Variants in WDFY4 observed in about 807,000 individuals in gnomAD.
WDFY4 encodes the protein WD repeat- and FYVE domain-containing protein 4.
In WDFY4, 169 loss-of-function variants were observed where a neutral mutation model predicts 351.9. That is an observed-to-expected ratio of 0.48 (90% CI 0.42 to 0.55). The LOEUF (loss-of-function observed/expected upper bound fraction) is 0.55. WDFY4 is among the 20% of genes least tolerant of loss of function. The probability of loss-of-function intolerance (pLI) is 0.00; values close to 1 mark genes in which losing one functional copy is unlikely to be tolerated. For missense variants in WDFY4, 3,803 were observed against 3,935.6 expected (o/e 0.97, Z 0.90); for synonymous variants, 1,622 against 1,574.6 (o/e 1.03, Z -0.71).
At chr10:48,971,917 C>A (rs1450618834) in intron 57 of WDFY4, among the ~76,000 whole-genome samples, 1 of 152,192 alleles carries the variant, frequency 6.6e-6, no homozygotes, top group East Asian at 1.9e-4. Flanking sequence ...ATCCCCATTG[C>A]CCATTTACAG....
At position 48,821,175 on chromosome 10, in the gene WDFY4, A is replaced by C; in HGVS notation, c.5823A>C (p.Arg1941Ser). 6.4e-7 allele frequency: 1 copy of C among 1,550,602 alleles called. No individual in the cohort carries two copies. Among genetic ancestry groups the C allele is most frequent in the Non-Finnish European group, 8.7e-7 (1 of 1,146,006 alleles). The change falls in exon 34 of 62, where the codon AGA becomes AGC. Residue 1941 changes from arginine (R) to serine (S), a missense_variant and splice_region_variant. Arg to Ser is a moderately radical substitution (Grantham distance 110). Around this residue, in one of 3 missense-constraint regions of WDFY4, gnomAD observed 3,054 missense variants for 3,148.6 expected, o/e 0.97. Coordinates refer to ENST00000325239, the MANE Select transcript of WDFY4 (RefSeq NM_001394531.1). Reference sequence around the variant, plus strand: ...GTGGAGGTGATGCAGCGATGTTCAGAGGTGAGTGGGGCAACTCGGTCCCCT... The same window carrying C: ...GTGGAGGTGATGCAGCGATGTTCAGCGGTGAGTGGGGCAACTCGGTCCCCT... ...MTSGGDAAMF[R>S]DGKEPQPSAE...
chr10:48,890,442 G>A (rs1173904394), intron 43 of WDFY4, 137 bp from the exon 44 acceptor site: 44 of 1,038,330 alleles, frequency 4.2e-5, no homozygotes, highest in South Asian at 7.8e-5. Flanking sequence ...CTGGGACAGC[G>A]GGACTGCCAT....
At chr10:48,918,324 GT>G (rs1301046178) in intron 47 of WDFY4, among the ~76,000 whole-genome samples, 1 of 152,136 alleles carries the variant, frequency 6.6e-6, no homozygotes, top group Non-Finnish European at 1.5e-5. Context: ...CCAATTGTAT[GT>G]TGTCTATAAA....
At chr10:48,802,485 G>A (rs142297358) in intron 24 of WDFY4, among the ~76,000 whole-genome samples, 10 of 152,310 alleles carry the variant, frequency 6.6e-5, no homozygotes, top group South Asian at 4.1e-4. Flanking sequence ...ATGAGTGCAC[G>A]CTTATAATCC....
At position 48,890,603 on chromosome 10, in the gene WDFY4, A is replaced by G; in HGVS notation, c.7192A>G (p.Ile2398Val). The G allele has an allele frequency of 6.4e-7, 1 of 1,551,592 alleles. No homozygotes were observed. The highest frequency in any genetic ancestry group is 8.7e-7 in the Non-Finnish European group (1 of 1,146,964). ...EKVTQKFSLV[I>V]VQGHLVSEGV... is the part of the protein sequence containing the mutation. ...GGTGACGCAGAAGTTCTCCCTGGTGATTGTGCAGGGCCACCTGGTGTCAGA... is the reference window on the plus strand; with the variant it reads ...GGTGACGCAGAAGTTCTCCCTGGTGGTTGTGCAGGGCCACCTGGTGTCAGA... The change falls in exon 44 of 62, where the codon ATT becomes GTT. Residue 2398 changes from isoleucine to valine, a missense_variant. This residue lies in a region of WDFY4 where 3,054 missense variants were observed against 3,148.6 expected (regional missense o/e 0.97). Coordinates refer to ENST00000325239, the MANE Select transcript of WDFY4 (RefSeq NM_001394531.1).
chr10:48,971,104 G>A (rs890580715), intron 57 of WDFY4, among the ~76,000 whole-genome samples: 1 of 152,112 alleles, frequency 6.6e-6, no homozygotes, highest in Admixed American at 6.5e-5. Context: ...GCATACTCCG[G>A]AACTTGCTCT....
intron 44 of WDFY4, among the ~76,000 whole-genome samples, chr10:48,893,267 G>T (rs1836906099): frequency 1.3e-5 from 2 of 152,200 alleles, no homozygotes; most frequent in Non-Finnish European, 2.9e-5. Flanking sequence ...AGTCAGGTTG[G>T]ATTTGGACCC....
Position 48,901,782 on chromosome 10 carries a change from C to T in WDFY4, c.7524-19C>T, listed in dbSNP as rs1264810149. On this transcript the variant is annotated intron_variant, in intron 46 of 61. Transcript: ENST00000325239. ...GTCTTGACTCTGCTGATGGAATTAT[C>T]CCTTCCCTTTTCATGTAGCTTCTGC... is the stretch of plus-strand genomic sequence containing the variant. The T allele has an allele frequency of 6.4e-7, 1 of 1,551,212 alleles. No homozygotes were observed. Among genetic ancestry groups the T allele is most frequent in the Non-Finnish European group, 8.7e-7 (1 of 1,146,694 alleles).
At chr10:48,929,273 G>A (rs988806019) in intron 47 of WDFY4, among the ~76,000 whole-genome samples, 1 of 152,006 alleles carries the variant, frequency 6.6e-6, no homozygotes, top group South Asian at 2.1e-4. Flanking sequence ...AAGGAAGGGA[G>A]GGTGGGAGGA....
chr10:48,796,718 G>A (rs2066888086), intron 24 of WDFY4, among the ~76,000 whole-genome samples: 1 of 152,200 alleles, frequency 6.6e-6, no homozygotes. Context: ...CTTGCAGGCT[G>A]TCATGAGGGT....
chr10:48,720,303 G>A (rs2064038422), intron 3 of WDFY4, among the ~76,000 whole-genome samples, 178 bp downstream of exon 3: 1 of 152,180 alleles, frequency 6.6e-6, no homozygotes, highest in South Asian at 2.1e-4. Flanking sequence ...TGCAGGAGGA[G>A]GGAAGAGGGG....
intron 52 of WDFY4, among the ~76,000 whole-genome samples, chr10:48,957,799 T>A (rs1841671734): frequency 6.6e-6 from 1 of 152,178 alleles, no homozygotes; most frequent in Non-Finnish European, 1.5e-5. Flanking sequence ...CCCCAGCCTA[T>A]GATGCAGCAG....
intron 47 of WDFY4, among the ~76,000 whole-genome samples, chr10:48,907,499 C>A (rs1038577382): frequency 2.6e-5 from 4 of 152,138 alleles, no homozygotes; most frequent in Non-Finnish European, 5.9e-5. Flanking sequence ...CAAAGATTTA[C>A]AGTTGAACAT....
chr10:48,821,297 G>A, intron 34 of WDFY4, 121 bp downstream of exon 34: 1 of 742,994 alleles, frequency 1.3e-6, no homozygotes, highest in Non-Finnish European at 2.3e-6. Context: ...CCTGGCGTCA[G>A]TCCCTCCAGG....
chr10:48,787,936 CTTCTT>C (rs2066520046), intron 20 of WDFY4, among the ~76,000 whole-genome samples: 7 of 98,268 alleles, frequency 7.1e-5, no homozygotes, highest in South Asian at 3.7e-4. Flanking sequence ...TCTTCTTCTT[CTTCTT>C]CTTCTTCTTC....
In WDFY4 at chr10:48,787,890, TC is replaced by T. The variant is rs1565198351; in HGVS notation, c.3809-639del. Among the ~76,000 whole-genome samples the T allele has an allele frequency of 6.9e-3, 501 of 72,712 alleles. 34 individuals are homozygous for T. Among genetic ancestry groups the T allele is most frequent in the Middle Eastern group, 0.029 (4 of 140 alleles). The allele number at this position is 72,712 out of a possible 152,430, so 47.7% of individuals were successfully genotyped here. ...TTCTTTCTTCTTTCTTTCTTCTTCTTCTCCTTCTTCTTCTTCTTCTTCTTCT... is the reference window on the plus strand; with the variant it reads ...TTCTTTCTTCTTTCTTTCTTCTTCTTTCCTTCTTCTTCTTCTTCTTCTTCT... On this transcript the variant is annotated intron_variant, in intron 20 of 61. Coordinates refer to ENST00000325239, the MANE Select transcript of WDFY4 (RefSeq NM_001394531.1).
intron 13 of WDFY4, among the ~76,000 whole-genome samples, chr10:48,772,644 C>T (rs1262683253): frequency 6.8e-6 from 1 of 147,548 alleles, no homozygotes; most frequent in African/African-American, 2.6e-5. Flanking sequence ...GCGCTGCACC[C>T]ACTAACTCGT....
Position 48,778,652 on chromosome 10 carries a change from T to C in WDFY4, c.3217T>C (p.Ser1073Pro), listed in dbSNP as rs1461799538. The C allele has an allele frequency of 6.4e-7, 1 of 1,551,448 alleles. No individual in the cohort carries two copies. Among genetic ancestry groups the C allele is most frequent in the Non-Finnish European group, 8.7e-7 (1 of 1,147,024 alleles). The part of the protein sequence containing the change: ...PFPPPGGLTF[S>P]CWFLISRHGA... ...CCCTCCTCCTGGAGGTCTGACCTTC[T>C]CCTGCTGGTTCCTGATCAGCCGGCA... The change falls in exon 18 of 62, where the codon TCC (serine) becomes CCC (proline). Residue 1073 changes from serine to proline, a missense_variant. This residue lies in a region of WDFY4 where 3,054 missense variants were observed against 3,148.6 expected (regional missense o/e 0.97). Transcript: ENST00000325239.
At chr10:48,857,484 G>GA (rs1018319850) in intron 39 of WDFY4, among the ~76,000 whole-genome samples, 10 of 150,830 alleles carry the variant, frequency 6.6e-5, no homozygotes, top group African/African-American at 1.2e-4. Flanking sequence ...TTCAACACGG[G>GA]AAAAAAAAGG....
Sources: gnomAD v4.1 joint callset for allele counts (sites outside exome capture counted in the v4.1 genomes callset) on GRCh38, gnomAD v4.1.1 for gene constraint, gnomAD v4.1.1 regional missense constraint, MANE v1.5 for transcripts, NCBI Gene and HGNC (gene_info 2026-07-23, HGNC 2026-07-21) for gene names.